The following ST8SIA1 variants were observed in gnomAD, a reference collection of about 807,000 sequenced individuals.
ST8SIA1 encodes ST8 alpha-N-acetyl-neuraminide alpha-2,8-sialyltransferase 1, also known as alpha-N-acetylneuraminide alpha-2,8-sialyltransferase.
A neutral mutation model predicts 35.9 loss-of-function variants in ST8SIA1; 16 were observed. The ratio of observed to expected loss-of-function variants is 0.45; its 90% CI spans 0.30 to 0.68. ST8SIA1 has a LOEUF of 0.68. Ranked by LOEUF, ST8SIA1 falls within the 30% of genes least tolerant of loss-of-function variation. The pLI, the probability that ST8SIA1 is intolerant of heterozygous loss-of-function variation, is 0.09. For synonymous variants in ST8SIA1, 170 were observed against 169.6 expected (o/e 1.00, Z -0.02); for missense variants, 383 against 453.6 (o/e 0.84, Z 1.41).
At chr12:22,281,660 ACT>A (rs1292789693) in intron 2 of ST8SIA1, among the ~76,000 whole-genome samples, 1 of 152,022 alleles carries the variant, frequency 6.6e-6, no homozygotes, top group Non-Finnish European at 1.5e-5. Flanking sequence ...GTATAGCTAC[ACT>A]CTACTTTTTC....
Position 22,201,595 on chromosome 12 carries a change from T to G in ST8SIA1, c.1028A>C (p.Gln343Pro). The stretch of plus-strand genomic sequence containing the variant: ...TGAGGTATCTTCACATGGGTCCAGC[T>G]GCATTCTCAGTGCACCGATTTTATG... The part of the protein sequence containing the change: ...YLHKIGALRM[Q>P]LDPCEDTSLQ... The change falls in exon 5 of 5, where the codon CAG becomes CCG. Residue 343 changes from glutamine to proline, a missense_variant. Transcript: ENST00000396037. 6.2e-7 allele frequency: 1 copy of G among 1,613,800 alleles called. No individual in the cohort carries two copies. The highest frequency in any genetic ancestry group is 1.1e-5 in the South Asian group (1 of 91,036).
At chr12:22,242,207 C>T (rs1361577082) in intron 4 of ST8SIA1, among the ~76,000 whole-genome samples, 4 of 152,266 alleles carry the variant, frequency 2.6e-5, no homozygotes, top group East Asian at 1.9e-4. Context: ...AGGGGACAAA[C>T]TCTTGACAGT....
At chr12:22,276,160 C>T (rs3819873) in intron 2 of ST8SIA1, among the ~76,000 whole-genome samples, 23,008 of 152,186 alleles carry the variant, frequency 0.15, 1,780 homozygotes, top group Middle Eastern at 0.24. Flanking sequence ...TTACACAACC[C>T]AGCAACAACA....
intron 1 of ST8SIA1, among the ~76,000 whole-genome samples, chr12:22,293,268 G>A (rs1360643160): frequency 6.6e-6 from 1 of 152,214 alleles, no homozygotes; most frequent in Non-Finnish European, 1.5e-5. Flanking sequence ...TCCACCAGTG[G>A]ATGGTGCTGA....
chr12:22,267,458 T>TC (rs1865862382), intron 2 of ST8SIA1, among the ~76,000 whole-genome samples: 2 of 152,204 alleles, frequency 1.3e-5, no homozygotes, highest in South Asian at 4.1e-4. Context: ...ATGCTTTATT[T>TC]CCCCAATTTA....
intron 1 of ST8SIA1, chr12:22,324,390 C>T (rs1866645512): frequency 6.6e-6 from 1 of 152,148 alleles, no homozygotes; most frequent in East Asian, 1.9e-4. Flanking sequence ...ATGATCACCA[C>T]ATCTTTATTC....
At chr12:22,260,165 C>CT (rs200518743) in intron 2 of ST8SIA1, among the ~76,000 whole-genome samples, 9,966 of 142,310 alleles carry the variant, frequency 0.07, 380 homozygotes, top group East Asian at 0.16. Context: ...TTTTTTCTTC[C>CT]TTTTTTTTTT....
chr12:22,321,024 AAGAAAGAAAG>A (rs1866591915), intron 1 of ST8SIA1, among the ~76,000 whole-genome samples: 2 of 102,416 alleles, frequency 2.0e-5, no homozygotes, highest in African/African-American at 8.6e-5. Context: ...GAAAGAAAGA[AAGAAAGAAAG>A]AGAAAGAGAA....
chr12:22,211,482 T>C (rs1043173970), intron 4 of ST8SIA1, among the ~76,000 whole-genome samples: 5 of 152,188 alleles, frequency 3.3e-5, no homozygotes, highest in African/African-American at 1.2e-4. Context: ...GCATACAAAA[T>C]ACATCACCTT....
rs1350352156 is a variant in ST8SIA1 at position 22,194,630 on chromosome 12, G to A, written c.*6922C>T. On this transcript the variant is annotated 3_prime_UTR_variant, in exon 5 of 5. Coordinates refer to ENST00000396037, the MANE Select transcript of ST8SIA1 (RefSeq NM_003034.4). ...ACAGGTAAAGGGCTTATGTGTGTTT[G>A]TGTTGTGTACACTAGAATACAGGGT... is the stretch of plus-strand genomic sequence containing the variant. 6.6e-6 allele frequency: 1 copy of A among 152,176 alleles called. No homozygotes were observed. The highest frequency in any genetic ancestry group is 2.4e-5 in the African/African-American group (1 of 41,440). 9.4% of individuals were successfully genotyped at this position (152,176 alleles called of 1,614,324 possible).
intron 4 of ST8SIA1, among the ~76,000 whole-genome samples, chr12:22,226,231 C>T (rs745423980): frequency 1.2e-4 from 19 of 152,172 alleles, no homozygotes; most frequent in Non-Finnish European, 2.6e-4. Context: ...AAGAATCATT[C>T]ACATCTTGGT....
intron 2 of ST8SIA1, among the ~76,000 whole-genome samples, chr12:22,266,810 T>C (rs1182920749): frequency 6.6e-6 from 1 of 150,752 alleles, no homozygotes; most frequent in African/African-American, 2.4e-5. Flanking sequence ...AAAAAATGTG[T>C]GTACACATAC....
At chr12:22,239,071 G>C (rs1419540043) in intron 4 of ST8SIA1, among the ~76,000 whole-genome samples, 1 of 152,154 alleles carries the variant, frequency 6.6e-6, no homozygotes, top group Admixed American at 6.5e-5. Flanking sequence ...TTTACTGTTA[G>C]AGGAAGTTCG....
intron 3 of ST8SIA1, among the ~76,000 whole-genome samples, chr12:22,251,647 A>T (rs1865671624): frequency 6.6e-6 from 1 of 152,212 alleles, no homozygotes; most frequent in Non-Finnish European, 1.5e-5. Flanking sequence ...ATACAGTCAA[A>T]TTGTTTTAAT....
intron 4 of ST8SIA1, among the ~76,000 whole-genome samples, chr12:22,216,767 A>G (rs1297291533): frequency 6.6e-6 from 1 of 152,248 alleles, no homozygotes; most frequent in Non-Finnish European, 1.5e-5. Context: ...AAATAAATGC[A>G]TAATGAAATG....
At chr12:22,280,732 A>G (rs1174538450) in intron 2 of ST8SIA1, among the ~76,000 whole-genome samples, 3 of 152,236 alleles carry the variant, frequency 2.0e-5, no homozygotes. Flanking sequence ...ACTCCATTGC[A>G]CTACCTCACT....
intron 2 of ST8SIA1, among the ~76,000 whole-genome samples, chr12:22,271,428 C>A (rs1277359706): frequency 6.6e-6 from 1 of 152,082 alleles, no homozygotes; most frequent in Non-Finnish European, 1.5e-5. Flanking sequence ...CTTCTAAGTG[C>A]CCAGGTCATG....
At chr12:22,318,085 T>A (rs1405356818) in intron 1 of ST8SIA1, among the ~76,000 whole-genome samples, 1 of 152,228 alleles carries the variant, frequency 6.6e-6, no homozygotes, top group African/African-American at 2.4e-5. Context: ...TAACATTATT[T>A]ATCTCTAGGA....
At chr12:22,331,069 A>G (rs1591861097) in intron 1 of ST8SIA1, among the ~76,000 whole-genome samples, 1 of 152,240 alleles carries the variant, frequency 6.6e-6, no homozygotes, top group Admixed American at 6.5e-5. Context: ...CAGTTTGACA[A>G]GGTTCTTCTC....
Sources: allele counts gnomAD v4.1 joint callset (sites outside exome capture counted in the v4.1 genomes callset), GRCh38; gene constraint gnomAD v4.1.1; transcripts MANE v1.5; gene names NCBI Gene and HGNC (gene_info 2026-07-23, HGNC 2026-07-21).